FGF12: variants seen among roughly 807,000 people sequenced by gnomAD.
The protein encoded by FGF12 is fibroblast growth factor 12, also known as fibroblast growth factor 12B.
A neutral mutation model predicts 23.6 loss-of-function variants in FGF12; 14 were observed. That is an observed-to-expected ratio of 0.59 (90% CI 0.39 to 0.93). The LOEUF (loss-of-function observed/expected upper bound fraction) is 0.93, where lower values mean the gene tolerates loss of function less well. FGF12 is among the 40% of genes least tolerant of loss of function. The pLI is 0.00. For missense variants in FGF12, 175 were observed against 217.8 expected, an observed-to-expected ratio of 0.80 and a Z score of 1.24; for synonymous variants, 62 against 77.3, an observed-to-expected ratio of 0.80 and a Z score of 1.04.
chr3:192,301,949 T>C (rs767345161), intron 4 of FGF12, among the ~76,000 whole-genome samples: 13 of 152,306 alleles, frequency 8.5e-5, no homozygotes, highest in Middle Eastern at 3.4e-3. Context: ...ATCAGAGCCA[T>C]CTTTTCTCTC....
chr3:192,147,530 G>A (rs527649709), intron 5 of FGF12, among the ~76,000 whole-genome samples: 3 of 152,258 alleles, frequency 2.0e-5, no homozygotes, highest in South Asian at 4.1e-4. Context: ...AAACGTAAAC[G>A]AAAATCACCA....
intron 2 of FGF12, among the ~76,000 whole-genome samples, chr3:192,655,011 T>G (rs1503594): frequency 6.6e-6 from 1 of 151,974 alleles, no homozygotes; most frequent in Non-Finnish European, 1.5e-5. Flanking sequence ...CAATTCTGTA[T>G]TTGAGCACAA....
chr3:192,395,470 A>G lies in FGF12; in HGVS notation c.14-34932T>C, dbSNP rs1184484241. ...AAATACTGATTTATTTTCTTTCCCA[A>G]CATTTTCATATATATGCAGAAATTC... On this transcript the variant is annotated intron_variant, in intron 2 of 5. Coordinates refer to ENST00000445105, the MANE Select transcript of FGF12 (RefSeq NM_004113.6). Among the ~76,000 whole-genome samples, 39 of 152,256 alleles carry G rather than the reference A, an allele frequency of 2.6e-4. 1 individual carries two copies. Among genetic ancestry groups the G allele is most frequent in the Admixed American group, 2.4e-3 (37 of 15,288 alleles).
intron 5 of FGF12, among the ~76,000 whole-genome samples, chr3:192,146,327 T>C (rs1169073952): frequency 1.3e-5 from 2 of 150,998 alleles, no homozygotes; most frequent in East Asian, 1.9e-4. Flanking sequence ...CTGGAGTGCT[T>C]TGGTGCTATC....
chr3:192,154,678 TC>T (rs1560169300), intron 5 of FGF12, among the ~76,000 whole-genome samples: 1 of 142,326 alleles, frequency 7.0e-6, no homozygotes, highest in Non-Finnish European at 1.5e-5. Flanking sequence ...CGTTCTCAGA[TC>T]TCCAGCTGCG....
intron 2 of FGF12, among the ~76,000 whole-genome samples, chr3:192,716,432 G>C (rs1458323581): frequency 6.6e-6 from 1 of 152,128 alleles, no homozygotes; most frequent in Non-Finnish European, 1.5e-5. Context: ...ATCAGTATAG[G>C]AATCAATTGA....
chr3:192,557,185 A>G (rs565453080), intron 2 of FGF12, among the ~76,000 whole-genome samples: 1 of 152,110 alleles, frequency 6.6e-6, no homozygotes, highest in Non-Finnish European at 1.5e-5. Flanking sequence ...TCACCAAAAG[A>G]AAGGAAATAA....
chr3:192,490,263 G>A (rs960673473), intron 2 of FGF12, among the ~76,000 whole-genome samples: 1 of 151,744 alleles, frequency 6.6e-6, no homozygotes, highest in East Asian at 1.9e-4. Context: ...TCTGTGGTTC[G>A]CTGCAGGATT....
At chr3:192,227,012 G>T (rs556318516) in intron 4 of FGF12, among the ~76,000 whole-genome samples, 1 of 152,072 alleles carries the variant, frequency 6.6e-6, no homozygotes, top group African/African-American at 2.4e-5. Context: ...CAAAAGGGCC[G>T]TCCAAGAACC....
intron 2 of FGF12, among the ~76,000 whole-genome samples, chr3:192,411,472 A>G (rs1576962510): frequency 6.6e-6 from 1 of 152,242 alleles, no homozygotes; most frequent in South Asian, 2.1e-4. Context: ...AATTCTAGCA[A>G]TACAGAACAA....
intron 2 of FGF12, among the ~76,000 whole-genome samples, chr3:192,573,890 T>C (rs542151162): frequency 1.3e-5 from 2 of 152,326 alleles, no homozygotes; most frequent in South Asian, 2.1e-4. Flanking sequence ...GCAAGTGTCA[T>C]TTAGTCTTCA....
At position 192,428,312 on chromosome 3, in the gene FGF12, G is replaced by A. The variant is rs117489464; in HGVS notation, c.14-67774C>T. ...TTTAGAAACAGTCAGTTTAATTAAA[G>A]GTGTGTTAGAGGGAAGAATCAGGAG... On this transcript the variant is annotated intron_variant, in intron 2 of 5. Coordinates refer to ENST00000445105, the MANE Select transcript of FGF12 (RefSeq NM_004113.6). Among the ~76,000 whole-genome samples, 35 of 152,258 alleles carry A rather than the reference G, an allele frequency of 2.3e-4. No homozygotes were observed. The East Asian group carries it at 6.0e-3, about 26-fold the overall frequency.
At chr3:192,391,650 A>G (rs371662589) in intron 2 of FGF12, among the ~76,000 whole-genome samples, 5 of 152,322 alleles carry the variant, frequency 3.3e-5, no homozygotes, top group African/African-American at 1.2e-4. Context: ...AGGTGAACAA[A>G]TCTCCTATAT....
chr3:192,317,880 A>G (rs1239924030), intron 4 of FGF12, among the ~76,000 whole-genome samples: 1 of 147,998 alleles, frequency 6.8e-6, no homozygotes, highest in Non-Finnish European at 1.5e-5. Flanking sequence ...AGCTTAGCAC[A>G]GAGAGAGAGA....
At chr3:192,312,135 T>C (rs1387383006) in intron 4 of FGF12, among the ~76,000 whole-genome samples, 3 of 151,124 alleles carry the variant, frequency 2.0e-5, no homozygotes, top group Non-Finnish European at 2.9e-5. Flanking sequence ...CTTGATTGTG[T>C]CCTTTGAAGC....
intron 2 of FGF12, among the ~76,000 whole-genome samples, chr3:192,508,808 G>A (rs941762656): frequency 6.6e-6 from 1 of 152,072 alleles, no homozygotes; most frequent in African/African-American, 2.4e-5. Flanking sequence ...ACTTCCTTGT[G>A]AACTCCTAAA....
intron 2 of FGF12, among the ~76,000 whole-genome samples, chr3:192,649,261 C>T (rs550363753): frequency 6.6e-6 from 1 of 152,216 alleles, no homozygotes; most frequent in African/African-American, 2.4e-5. Flanking sequence ...ACAGCCAAAA[C>T]CTCAGCCACT....
At chr3:192,183,082 G>A (rs866374759) in intron 4 of FGF12, among the ~76,000 whole-genome samples, 3 of 152,188 alleles carry the variant, frequency 2.0e-5, no homozygotes, top group South Asian at 2.1e-4. Flanking sequence ...GGTCAATGAA[G>A]GAGAAACGTG....
At chr3:192,687,371 A>C (rs1717785551) in intron 2 of FGF12, among the ~76,000 whole-genome samples, 1 of 151,962 alleles carries the variant, frequency 6.6e-6, no homozygotes, top group South Asian at 2.1e-4. Context: ...CACACATGGC[A>C]CATATTCCAT....
Sources: gnomAD v4.1 joint callset for allele counts (sites outside exome capture counted in the v4.1 genomes callset) on GRCh38, gnomAD v4.1.1 for gene constraint, MANE v1.5 for transcripts, NCBI Gene and HGNC (gene_info 2026-07-23, HGNC 2026-07-21) for gene names.